UNC5D: variants seen among roughly 807,000 people sequenced by gnomAD.
UNC5D encodes the protein netrin receptor UNC5D.
In UNC5D, 39 loss-of-function variants were observed where a neutral mutation model predicts 105.4. The observed-to-expected ratio is 0.37, with a 90% CI of 0.29 to 0.48. The LOEUF is 0.48. Ranked by LOEUF, UNC5D falls within the 20% of genes least tolerant of loss-of-function variation. UNC5D has a pLI of 0.98. For missense variants in UNC5D, 991 were observed against 1,202.4 expected, an observed-to-expected ratio of 0.82 and a Z score of 2.60; for synonymous variants, 452 against 450.4, an observed-to-expected ratio of 1.00 and a Z score of -0.04.
rs532570063 is a variant in UNC5D at position 35,464,398 on chromosome 8, T to C, written c.104-84894T>C. 4.6e-5 allele frequency among the ~76,000 whole-genome samples: 7 copies of C among 152,206 alleles called. No individual in the cohort carries two copies. In the South Asian group the frequency reaches 1.5e-3, roughly 32 times the overall value. On this transcript the variant is annotated intron_variant, in intron 1 of 16. Transcript: ENST00000404895. Reference sequence around the variant, plus strand: ...TCTCTTGCCAATAGTTTCAAACCTGTGTACTTATTTGCTATATGTGGTATT... The same window carrying C: ...TCTCTTGCCAATAGTTTCAAACCTGCGTACTTATTTGCTATATGTGGTATT...
At chr8:35,371,976 G>A (rs1434106340) in intron 1 of UNC5D, among the ~76,000 whole-genome samples, 1 of 152,174 alleles carries the variant, frequency 6.6e-6, no homozygotes, top group African/African-American at 2.4e-5. Context: ...CGACATGGCG[G>A]CATCTGCTCT....
At chr8:35,504,094 A>G (rs1812151723) in intron 1 of UNC5D, among the ~76,000 whole-genome samples, 1 of 152,218 alleles carries the variant, frequency 6.6e-6, no homozygotes, top group African/African-American at 2.4e-5. Context: ...TATTCTATGC[A>G]GGAGAAAGTA....
intron 4 of UNC5D, among the ~76,000 whole-genome samples, chr8:35,601,527 T>C (rs1259006834): frequency 6.6e-6 from 1 of 152,188 alleles, no homozygotes; most frequent in South Asian, 2.1e-4. Context: ...CCCTTGTAAG[T>C]TGGATTCCTA....
chr8:35,774,078 G>A (rs2131739055), intron 15 of UNC5D, among the ~76,000 whole-genome samples: 1 of 152,278 alleles, frequency 6.6e-6, no homozygotes, highest in Middle Eastern at 3.4e-3. Flanking sequence ...CTGAGTGGAA[G>A]AGGCTGTTGT....
chr8:35,278,573 T>G (rs185663329), intron 1 of UNC5D, among the ~76,000 whole-genome samples: 1 of 133,090 alleles, frequency 7.5e-6, no homozygotes, highest in Admixed American at 7.9e-5. Context: ...TTGCTAGGGA[T>G]GTAAATTTAT....
At position 35,313,089 on chromosome 8, in the gene UNC5D, A is replaced by C. The variant is rs534594760; in HGVS notation, c.103+77202A>C. Reference sequence around the variant, plus strand: ...AAATTTTTTACTTACAGGAAGTACAAGTCACCACTGGAGTAGATATTAGCC... The same window carrying C: ...AAATTTTTTACTTACAGGAAGTACACGTCACCACTGGAGTAGATATTAGCC... On this transcript the variant is annotated intron_variant, in intron 1 of 16. Coordinates refer to ENST00000404895, the MANE Select transcript of UNC5D (RefSeq NM_080872.4). Among the ~76,000 whole-genome samples the C allele has an allele frequency of 7.9e-5, 12 of 152,332 alleles. No homozygotes were observed. The East Asian group carries it at 2.3e-3, about 29-fold the overall frequency.
At chr8:35,328,258 A>G (rs1417859905) in intron 1 of UNC5D, among the ~76,000 whole-genome samples, 1 of 152,108 alleles carries the variant, frequency 6.6e-6, no homozygotes, top group Non-Finnish European at 1.5e-5. Context: ...CTAATGCTGT[A>G]TTAGAGCTGT....
intron 3 of UNC5D, among the ~76,000 whole-genome samples, chr8:35,581,809 T>G (rs78007633): frequency 1.3e-5 from 2 of 152,144 alleles, no homozygotes; most frequent in Non-Finnish European, 2.9e-5. Flanking sequence ...TTGTGTTTAT[T>G]TCCCAGTGTT....
intron 1 of UNC5D, among the ~76,000 whole-genome samples, chr8:35,240,501 T>C (rs1218846587): frequency 1.3e-5 from 2 of 152,190 alleles, no homozygotes; most frequent in African/African-American, 4.8e-5. Context: ...CTAAATGCTC[T>C]ACAAACATTA....
At chr8:35,247,092 T>A (rs1187625678) in intron 1 of UNC5D, among the ~76,000 whole-genome samples, 5 of 152,048 alleles carry the variant, frequency 3.3e-5, no homozygotes, top group Non-Finnish European at 1.5e-5. Context: ...ATTTTCTCAG[T>A]GTTGTCCTTG....
At chr8:35,589,107 A>G (rs574559119) in intron 3 of UNC5D, among the ~76,000 whole-genome samples, 355 of 152,168 alleles carry the variant, frequency 2.3e-3, no homozygotes, top group Non-Finnish European at 4.0e-3. Context: ...CTTTGGAATT[A>G]GATGTATTTA....
intron 1 of UNC5D, among the ~76,000 whole-genome samples, chr8:35,441,400 T>C (rs1807388126): frequency 6.6e-6 from 1 of 151,888 alleles, no homozygotes; most frequent in Admixed American, 6.6e-5. Flanking sequence ...TCATTATAGG[T>C]ATGTATGTAT....
At chr8:35,775,286 A>G (rs1802194459) in intron 16 of UNC5D, among the ~76,000 whole-genome samples, 1 of 152,262 alleles carries the variant, frequency 6.6e-6, no homozygotes, top group Non-Finnish European at 1.5e-5. Context: ...TGAAATAAGC[A>G]AAAGCTTGCC....
chr8:35,705,448 C>G (rs1189684371), intron 7 of UNC5D, among the ~76,000 whole-genome samples: 1 of 152,330 alleles, frequency 6.6e-6, no homozygotes, highest in Non-Finnish European at 1.5e-5. Flanking sequence ...CCATACCTGA[C>G]AAGAATGGAT....
chr8:35,523,725 G>A (rs1387398185), intron 1 of UNC5D, among the ~76,000 whole-genome samples: 6 of 107,810 alleles, frequency 5.6e-5, no homozygotes, highest in Non-Finnish European at 1.1e-4. Flanking sequence ...AAAGGAAGGG[G>A]AAAGAGATCA....
chr8:35,714,104 G>C (rs1828117477), intron 8 of UNC5D, among the ~76,000 whole-genome samples: 1 of 152,152 alleles, frequency 6.6e-6, no homozygotes, highest in South Asian at 2.1e-4. Flanking sequence ...ATATCCACTG[G>C]GATGTCTCCT....
chr8:35,260,904 C>A (rs751832380), intron 1 of UNC5D, among the ~76,000 whole-genome samples: 1 of 152,132 alleles, frequency 6.6e-6, no homozygotes, highest in Non-Finnish European at 1.5e-5. Flanking sequence ...AGAAGGCACT[C>A]AGGACACTGA....
At chr8:35,442,005 T>C (rs1176318557) in intron 1 of UNC5D, among the ~76,000 whole-genome samples, 7 of 151,918 alleles carry the variant, frequency 4.6e-5, no homozygotes, top group African/African-American at 1.7e-4. Flanking sequence ...AAGTGCACCA[T>C]AGCACATGTT....
At chr8:35,312,821 A>T (rs974556948) in intron 1 of UNC5D, among the ~76,000 whole-genome samples, 1 of 152,206 alleles carries the variant, frequency 6.6e-6, no homozygotes, top group Non-Finnish European at 1.5e-5. Flanking sequence ...TCCGTAATAT[A>T]AACTCTCACT....
Sources: gnomAD v4.1 joint callset for allele counts (sites outside exome capture counted in the v4.1 genomes callset) on GRCh38, gnomAD v4.1.1 for gene constraint, MANE v1.5 for transcripts, NCBI Gene and HGNC (gene_info 2026-07-23, HGNC 2026-07-21) for gene names.